NSUN2: variants seen among roughly 807,000 people sequenced by gnomAD.
The protein encoded by NSUN2 is NOP2/Sun RNA methyltransferase 2.
A neutral mutation model predicts 92.7 loss-of-function variants in NSUN2; 63 were observed. The ratio of observed to expected loss-of-function variants is 0.68; its 90% CI spans 0.56 to 0.84. The LOEUF is 0.84. Among genes scored for constraint, NSUN2 ranks in the 40% least tolerant of loss-of-function variants. The pLI is 0.00. For missense variants in NSUN2, 989 were observed against 964.9 expected (o/e 1.02, Z -0.33); for synonymous variants, 356 against 348.3 (o/e 1.02, Z -0.25).
At chr5:6,611,277 T>C (rs1030460579) in intron 10 of NSUN2, among the ~76,000 whole-genome samples, 192 bp from the exon 11 acceptor site, 40 of 152,162 alleles carry the variant, frequency 2.6e-4, no homozygotes, top group African/African-American at 8.9e-4. Context: ...ATACATAAAT[T>C]CTGTTAAAAA....
intron 10 of NSUN2, 107 bp from the exon 11 acceptor site, chr5:6,611,192 A>C: frequency 5.6e-6 from 7 of 1,246,966 alleles, no homozygotes; most frequent in South Asian, 1.5e-5. Flanking sequence ...GGTGATTCTC[A>C]TTCACTCCAA....
In NSUN2 at chr5:6,619,182, T is replaced by C. The variant is rs373845762; in HGVS notation, c.815+924A>G. Among the ~76,000 whole-genome samples, 30 of 152,328 alleles carry C rather than the reference T, an allele frequency of 2.0e-4. No homozygotes were observed. The South Asian group carries it at 6.2e-3, about 32-fold the overall frequency. On this transcript the variant is annotated intron_variant, in intron 7 of 18. Transcript: ENST00000264670. Reference sequence around the variant, plus strand: ...TGCAACCTAGAGGAAAAAAAAACTTTAGTTCATGATGTATTTTAAATTTTA... The same window carrying C: ...TGCAACCTAGAGGAAAAAAAAACTTCAGTTCATGATGTATTTTAAATTTTA...
At chr5:6,614,519 T>C (rs867695937) in intron 9 of NSUN2, among the ~76,000 whole-genome samples, 1 of 152,116 alleles carries the variant, frequency 6.6e-6, no homozygotes, top group African/African-American at 2.4e-5. Flanking sequence ...TAGAGATCAG[T>C]GGGTTTTCAG....
intron 8 of NSUN2, among the ~76,000 whole-genome samples, chr5:6,617,426 G>A (rs1159956011): frequency 1.3e-5 from 2 of 152,096 alleles, no homozygotes; most frequent in African/African-American, 4.8e-5. Flanking sequence ...AAAGTATTTG[G>A]AAAAAGTACT....
chr5:6,612,336 T>C (rs1287999492), intron 9 of NSUN2, among the ~76,000 whole-genome samples: 1 of 152,150 alleles, frequency 6.6e-6, no homozygotes. Context: ...CCCAGAGCAA[T>C]GCTGAAAATG....
At chr5:6,618,131 CAGTT>C (rs1385367462) in intron 7 of NSUN2, 107 bp from the exon 8 acceptor site, 1 of 711,922 alleles carries the variant, frequency 1.4e-6, no homozygotes, top group Non-Finnish European at 2.4e-6. Context: ...TTACAAATAT[CAGTT>C]AGGAAACAAT....
Position 6,609,858 on chromosome 5 carries a change from A to AT in NSUN2, c.1290dup (p.Ser431IlefsTer7). ...TGACGTTTATTCCACGGCATTGAAG[A>AT]TTTTTTCACCAATACTGCCACAAAA... On this transcript the variant is annotated frameshift_variant, in exon 12 of 19. Transcript: ENST00000264670. LOFTEE classifies it high-confidence loss of function. The AT allele has an allele frequency of 1.2e-6, 2 of 1,613,906 alleles. No individual in the cohort carries two copies. Among genetic ancestry groups the AT allele is most frequent in the Non-Finnish European group, 1.7e-6 (2 of 1,179,936 alleles).
chr5:6,611,603 A>C (rs917029072), intron 10 of NSUN2, 122 bp downstream of exon 10: 1 of 724,314 alleles, frequency 1.4e-6, no homozygotes, highest in Non-Finnish European at 2.3e-6. Context: ...AATTGATTCT[A>C]ATTGGCATAA....
chr5:6,602,608 C>A, intron 17 of NSUN2, 108 bp from the exon 18 acceptor site: 1 of 1,027,842 alleles, frequency 9.7e-7, no homozygotes, highest in Non-Finnish European at 1.5e-6. Flanking sequence ...AGAAAGAAAA[C>A]AACAAATAAT....
At chr5:6,608,318 A>T (rs1028142949) in intron 12 of NSUN2, among the ~76,000 whole-genome samples, 11 of 152,126 alleles carry the variant, frequency 7.2e-5, no homozygotes, top group African/African-American at 2.4e-4. Context: ...TCTCTGTTCT[A>T]CCTCAACAAC....
Position 6,631,945 on chromosome 5 carries a change from TTCTTTAAGCAATGGAGAATC to T in NSUN2, c.267_286del (p.Ile90GlnfsTer4). ...GTCCTCCAATTCCTTAAAATATTTGTTCTTTAAGCAATGGAGAATCTCTTTTGCGTGGCTATTGAAAAATA... is the reference window on the plus strand; with the variant it reads ...GTCCTCCAATTCCTTAAAATATTTGTTCTTTTGCGTGGCTATTGAAAAATA... On this transcript the variant is annotated frameshift_variant, in exon 3 of 19. Coordinates refer to ENST00000264670, the MANE Select transcript of NSUN2 (RefSeq NM_017755.6). LOFTEE classifies it high-confidence loss of function. The T allele has an allele frequency of 6.2e-7, 1 of 1,613,920 alleles. No individual in the cohort carries two copies. The highest frequency in any genetic ancestry group is 1.1e-5 in the South Asian group (1 of 90,944).
intron 3 of NSUN2, among the ~76,000 whole-genome samples, chr5:6,627,304 C>T (rs892628335): frequency 1.3e-5 from 2 of 152,218 alleles, no homozygotes; most frequent in Non-Finnish European, 2.9e-5. Context: ...TGCTGTGCCA[C>T]TGTAACCTCT....
intron 12 of NSUN2, among the ~76,000 whole-genome samples, chr5:6,608,763 C>A (rs575856750): frequency 6.6e-6 from 1 of 152,206 alleles, no homozygotes; most frequent in African/African-American, 2.4e-5. Context: ...TGGGCAGCCA[C>A]AAGCCTGTGG....
intron 3 of NSUN2, among the ~76,000 whole-genome samples, chr5:6,626,868 C>T (rs1737677177): frequency 6.6e-6 from 1 of 152,164 alleles, no homozygotes. Flanking sequence ...TTCCATGCGT[C>T]AAATTGTAGC....
In NSUN2 at chr5:6,610,990, G is replaced by A. The variant is rs755722721; in HGVS notation, c.1191C>T (p.Asp397=). Residue 397 remains aspartate, a synonymous_variant, in exon 11 of 19, where the codon GAC becomes GAT. Transcript: ENST00000264670. ...GGTGCATGGCCTGCAGCTTTTCTGG[G>A]TCCTTCGGAGGGAACATGGTAGGTC... ...QIRPTMFPPK[D]PEKLQAMHLE... is the part of the protein sequence containing the mutation. The A allele has an allele frequency of 1.2e-6, 2 of 1,614,192 alleles. No individual in the cohort carries two copies. The highest frequency in any genetic ancestry group is 2.7e-5 in the African/African-American group (2 of 75,044).
Position 6,625,566 on chromosome 5 carries a change from A to T in NSUN2, c.463T>A (p.Ser155Thr). 1 of 1,607,334 alleles carries T rather than the reference A, an allele frequency of 6.2e-7. No individual in the cohort carries two copies. Among genetic ancestry groups the T allele is most frequent in the Non-Finnish European group, 8.5e-7 (1 of 1,173,844 alleles). ...CAAGTCTAAAGAAATCAACTTACAG[A>T]TTCTGTTTCACTAACTAGAAACTGA... ...FHQFLVSETE[S>T]GNISRQEAVS... Residue 155 changes from serine (S) to threonine (T), a missense_variant and splice_region_variant, in exon 4 of 19, where the codon TCT (serine) becomes ACT (threonine). Ser to Thr is a moderately conservative substitution (Grantham distance 58). Coordinates refer to ENST00000264670, the MANE Select transcript of NSUN2 (RefSeq NM_017755.6).
In NSUN2 at chr5:6,599,627, T is replaced by A; in HGVS notation, c.*299A>T. On this transcript the variant is annotated 3_prime_UTR_variant, in exon 19 of 19. Coordinates refer to ENST00000264670, the MANE Select transcript of NSUN2 (RefSeq NM_017755.6). ...TTTCTGCAAGGGCAGTTTTGTTTCT[T>A]GATAGAAGTACAACTTTTGAAAGTC... 1 of 320,350 alleles carries A rather than the reference T, an allele frequency of 3.1e-6. No individual in the cohort carries two copies. Among genetic ancestry groups the A allele is most frequent in the Non-Finnish European group, 5.7e-6 (1 of 176,038 alleles). The allele number at this position is 320,350 out of a possible 1,614,324, so 19.8% of individuals were successfully genotyped here.
chr5:6,629,423 C>T (rs758151659), intron 3 of NSUN2, among the ~76,000 whole-genome samples: 12 of 152,192 alleles, frequency 7.9e-5, no homozygotes, highest in Non-Finnish European at 1.8e-4. Context: ...GAAGAAAATG[C>T]CCACATGGAG....
At chr5:6,628,770 T>G (rs1310310586) in intron 3 of NSUN2, among the ~76,000 whole-genome samples, 1 of 152,206 alleles carries the variant, frequency 6.6e-6, no homozygotes, top group Admixed American at 6.5e-5. Context: ...TGGCCAGGAA[T>G]GGTGGCTCAT....
Sources: allele counts gnomAD v4.1 joint callset (sites outside exome capture counted in the v4.1 genomes callset), GRCh38; gene constraint gnomAD v4.1.1; transcripts MANE v1.5; gene names NCBI Gene and HGNC (gene_info 2026-07-23, HGNC 2026-07-21).